LRGUK: variants seen among roughly 807,000 people sequenced by gnomAD.
LRGUK encodes leucine-rich repeat and guanylate kinase domain-containing protein.
In LRGUK, 65 loss-of-function variants were observed where a neutral mutation model predicts 76.0. The observed-to-expected ratio is 0.85, with a 90% CI of 0.70 to 1.05. LRGUK has a LOEUF of 1.05. Ranked by LOEUF, LRGUK falls within the 50% of genes least tolerant of loss-of-function variation. The probability of loss-of-function intolerance (pLI) is 0.00; values close to 1 mark genes in which losing one functional copy is unlikely to be tolerated. For missense variants in LRGUK, 758 were observed against 732.8 expected, an observed-to-expected ratio of 1.03 and a Z score of -0.40; for synonymous variants, 268 against 265.6, an observed-to-expected ratio of 1.01 and a Z score of -0.09.
chr7:134,218,658 C>T (rs1441008884), intron 15 of LRGUK, among the ~76,000 whole-genome samples: 3 of 151,998 alleles, frequency 2.0e-5, no homozygotes, highest in Non-Finnish European at 4.4e-5. Flanking sequence ...AGTAAATGGC[C>T]CTATTTAGTC....
At chr7:134,239,932 C>A (rs1414637590) in intron 16 of LRGUK, among the ~76,000 whole-genome samples, 1 of 152,196 alleles carries the variant, frequency 6.6e-6, no homozygotes, top group African/African-American at 2.4e-5. Flanking sequence ...GATACCCAGG[C>A]AAACACGGTC....
intron 11 of LRGUK, among the ~76,000 whole-genome samples, chr7:134,190,933 A>T (rs1800206304): frequency 6.6e-6 from 1 of 151,284 alleles, no homozygotes. Flanking sequence ...GGGGATAGAC[A>T]GTAGTTGAGC....
At chr7:134,193,139 A>G (rs1800330083) in intron 12 of LRGUK, among the ~76,000 whole-genome samples, 1 of 152,050 alleles carries the variant, frequency 6.6e-6, no homozygotes, top group Non-Finnish European at 1.5e-5. Flanking sequence ...TATGATCCCT[A>G]GGCAATTTTT....
chr7:134,259,289 G>A (rs1802662158), intron 19 of LRGUK, among the ~76,000 whole-genome samples: 1 of 152,128 alleles, frequency 6.6e-6, no homozygotes, highest in Admixed American at 6.5e-5. Context: ...CCTTGAACAG[G>A]GTGGGGAAAA....
intron 18 of LRGUK, 38 bp from the exon 19 acceptor site, chr7:134,258,219 T>G (rs1425379935): frequency 2.5e-5 from 41 of 1,612,932 alleles, no homozygotes; most frequent in Non-Finnish European, 3.4e-5. Context: ...GCGAATAGTT[T>G]GGATCTCAAA....
At chr7:134,176,781 T>C (rs1799497953) in intron 8 of LRGUK, among the ~76,000 whole-genome samples, 196 bp from the exon 9 acceptor site, 1 of 152,188 alleles carries the variant, frequency 6.6e-6, no homozygotes, top group African/African-American at 2.4e-5. Flanking sequence ...TGAAGACCTT[T>C]ATAAGTTACA....
chr7:134,202,114 C>T (rs953139904), intron 15 of LRGUK, among the ~76,000 whole-genome samples: 11 of 152,040 alleles, frequency 7.2e-5, no homozygotes, highest in African/African-American at 2.7e-4. Flanking sequence ...CTACATGGAC[C>T]TAATGCTCCT....
At chr7:134,212,920 C>T (rs1023004063), downstream of LRGUK, among the ~76,000 whole-genome samples, 4 of 152,178 alleles carry the variant, frequency 2.6e-5, no homozygotes, top group South Asian at 4.1e-4. Flanking sequence ...TTAACTTTTC[C>T]AGATGTCATA....
chr7:134,247,821 G>A (rs17167667), intron 17 of LRGUK, among the ~76,000 whole-genome samples, 177 bp downstream of exon 17: 12,087 of 152,050 alleles, frequency 0.079, 1,180 homozygotes, highest in African/African-American at 0.23. Flanking sequence ...ATTTTTAAAA[G>A]GCACAATATG....
At chr7:134,222,234 G>A (rs1009956848) in intron 16 of LRGUK, among the ~76,000 whole-genome samples, 3 of 152,190 alleles carry the variant, frequency 2.0e-5, no homozygotes, top group African/African-American at 7.2e-5. Context: ...TATTTCAAGG[G>A]AAAACTTGCT....
At chr7:134,210,344 C>T (rs964869642), downstream of LRGUK, 8 of 398,256 alleles carry the variant, frequency 2.0e-5, no homozygotes, top group African/African-American at 4.1e-5. Flanking sequence ...AGCCGCCCCA[C>T]GCCGAGCCAT....
chr7:134,257,122 A>C lies in LRGUK; in HGVS notation c.2199-1135A>C, dbSNP rs2117223195. 2.6e-5 allele frequency among the ~76,000 whole-genome samples: 4 copies of C among 152,276 alleles called. No individual in the cohort carries two copies. The Middle Eastern group carries it at 0.01, about 388-fold the overall frequency. ...GCATGACTTCCATGTTTAGTGAGGA[A>C]ATTTCACTCAGTAAATTTCTCCTGC... On this transcript the variant is annotated intron_variant, in intron 18 of 19. Coordinates refer to the LRGUK transcript ENST00000285928.
intron 16 of LRGUK, among the ~76,000 whole-genome samples, chr7:134,247,130 T>A (rs1802322989): frequency 1.3e-5 from 2 of 152,208 alleles, no homozygotes; most frequent in African/African-American, 4.8e-5. Context: ...CCATAAATTT[T>A]TCCTATTTCC....
exon 20 of LRGUK, chr7:134,264,129 T>C (rs1802811700): frequency 1.1e-5 from 7 of 627,022 alleles, no homozygotes; most frequent in Non-Finnish European, 1.7e-5. Flanking sequence ...CCAGTTTCTC[T>C]TGTGATTCTT....
At chr7:134,136,935 T>G in intron 1 of LRGUK, 88 bp from the exon 2 acceptor site, 2 of 1,139,728 alleles carry the variant, frequency 1.8e-6, no homozygotes, top group South Asian at 1.4e-5. Context: ...GTATAAAATA[T>G]ACTAAATAAG....
At chr7:134,227,221 G>A (rs1451607026) in intron 16 of LRGUK, among the ~76,000 whole-genome samples, 1 of 152,084 alleles carries the variant, frequency 6.6e-6, no homozygotes, top group African/African-American at 2.4e-5. Flanking sequence ...CACTTTGAGA[G>A]TCTTGTGGAA....
intron 16 of LRGUK, among the ~76,000 whole-genome samples, chr7:134,236,657 T>A (rs1469572409): frequency 6.6e-6 from 1 of 152,230 alleles, no homozygotes; most frequent in Non-Finnish European, 1.5e-5. Flanking sequence ...TGTTTTTCTC[T>A]TTTTGTGATG....
chr7:134,225,207 A>G (rs2117162450), intron 16 of LRGUK, among the ~76,000 whole-genome samples: 1 of 151,852 alleles, frequency 6.6e-6, no homozygotes, highest in South Asian at 2.1e-4. Context: ...AAATGAAGAC[A>G]GTATGGGGAA....
intron 8 of LRGUK, among the ~76,000 whole-genome samples, chr7:134,176,465 C>T (rs886568434): frequency 1.3e-5 from 2 of 152,188 alleles, no homozygotes; most frequent in South Asian, 2.1e-4. Flanking sequence ...CTGCAAGCTC[C>T]GCCTCCTGGG....
Sources: allele counts gnomAD v4.1 joint callset (sites outside exome capture counted in the v4.1 genomes callset), GRCh38; gene constraint gnomAD v4.1.1; transcripts MANE v1.5; gene names NCBI Gene and HGNC (gene_info 2026-07-23, HGNC 2026-07-21).